Variants in IQCF2 observed in about 807,000 individuals in gnomAD.
IQCF2 encodes IQ motif containing F2, also known as IQ domain-containing protein F2.
IQCF2 carries 6 observed loss-of-function variants against 7.0 expected under a neutral mutation model. That is an observed-to-expected ratio of 0.86 (90% CI 0.47 to 1.70). The LOEUF is 1.70. Ranked by LOEUF, IQCF2 falls within the 40% of genes most tolerant of loss-of-function variation. The pLI, the probability that IQCF2 is intolerant of heterozygous loss-of-function variation, is 0.01. For missense variants in IQCF2, 174 were observed against 204.6 expected, an observed-to-expected ratio of 0.85 and a Z score of 0.91; for synonymous variants, 67 against 74.0, an observed-to-expected ratio of 0.91 and a Z score of 0.48.
rs1395348923 is a variant in IQCF2 at position 51,863,288 on chromosome 3, G to A, written c.413G>A (p.Cys138Tyr). 1 of 1,614,164 alleles carries A rather than the reference G, an allele frequency of 6.2e-7. No homozygotes were observed. The highest frequency in any genetic ancestry group is 1.1e-5 in the South Asian group (1 of 91,086). Residue 138 changes from cysteine (C) to tyrosine (Y), a missense_variant, in exon 3 of 3, where the codon TGC (cysteine) becomes TAC (tyrosine). Physicochemically the swap from Cys to Tyr is radical, Grantham distance 194. Transcript: ENST00000333127. ...IIQGHWQCHN[C>Y]QTCALLQGHC... Reference sequence around the variant, plus strand: ...CAGGGCCACTGGCAATGCCACAACTGCCAGACCTGCGCTCTCCTCCAGGGC... The same window carrying A: ...CAGGGCCACTGGCAATGCCACAACTACCAGACCTGCGCTCTCCTCCAGGGC...
rs770261976 is a variant in IQCF2, at chr3:51,863,102, G to A, written c.227G>A (p.Trp76Ter). The stretch of plus-strand genomic sequence containing the variant: ...CTCAGGGCCTGGATAATTCAGTGCT[G>A]GTGGCGGATGACGCTGTCGAGGGTG... ...AALRAWIIQC[W>*]WRMTLSRVLE... The change falls in exon 3 of 3, where the codon TGG becomes TAG. Residue 76 changes from tryptophan (W) to a stop codon, truncating the protein, a stop_gained. Coordinates refer to ENST00000333127, the MANE Select transcript of IQCF2 (RefSeq NM_203424.2). LOFTEE classifies it low-confidence loss of function (END_TRUNC). 6.2e-6 allele frequency: 10 copies of A among 1,614,266 alleles called. No homozygotes were observed. Among genetic ancestry groups the A allele is most frequent in the Middle Eastern group, 1.6e-4 (1 of 6,062 alleles).
intron 2 of IQCF2, among the ~76,000 whole-genome samples, chr3:51,862,166 G>A (rs180813086): frequency 2.6e-5 from 4 of 152,204 alleles, no homozygotes; most frequent in East Asian, 3.9e-4. Flanking sequence ...TTGGGAGGCC[G>A]AGACAGGCAG....
Position 51,863,131 on chromosome 3 carries a change from G to A in IQCF2, c.256G>A (p.Glu86Lys). 1 of 1,614,240 alleles carries A rather than the reference G, an allele frequency of 6.2e-7. No homozygotes were observed. The highest frequency in any genetic ancestry group is 8.5e-7 in the Non-Finnish European group (1 of 1,180,050). ...WWRMTLSRVL[E>K]KKRQAALIAY... ...GCGGATGACGCTGTCGAGGGTGCTG[G>A]AGAAGAAACGGCAGGCAGCTCTGAT... is the stretch of plus-strand genomic sequence containing the variant. The change falls in exon 3 of 3, where the codon GAG becomes AAG. Residue 86 changes from glutamate to lysine, a missense_variant. Physicochemically the swap from Glu to Lys is moderately conservative, Grantham distance 56. Coordinates refer to ENST00000333127, the MANE Select transcript of IQCF2 (RefSeq NM_203424.2).
Position 51,861,957 on chromosome 3 carries a change from A to G in IQCF2, c.111+7A>G. 1 of 1,597,390 alleles carries G rather than the reference A, an allele frequency of 6.3e-7. No homozygotes were observed. Among genetic ancestry groups the G allele is most frequent in the South Asian group, 1.1e-5 (1 of 90,686 alleles). On this transcript the variant is annotated splice_region_variant and intron_variant, in intron 2 of 2. Transcript: ENST00000333127. ...GAAACAGCAGAAAATCAAGGTGAGA[A>G]GAATTCCATGTACTTAAGAGAAATC...
chr3:51,862,498 C>T (rs913981570), intron 2 of IQCF2, among the ~76,000 whole-genome samples: 2 of 150,808 alleles, frequency 1.3e-5, no homozygotes, highest in Non-Finnish European at 2.9e-5. Flanking sequence ...GTAGACTGTT[C>T]AAAATATGGA....
At position 51,863,140 on chromosome 3, in the gene IQCF2, C is replaced by T. The variant is rs766364999; in HGVS notation, c.265C>T (p.Arg89Trp). Residue 89 changes from arginine (R) to tryptophan (W), a missense_variant, in exon 3 of 3, where the codon CGG becomes TGG. Coordinates refer to ENST00000333127, the MANE Select transcript of IQCF2 (RefSeq NM_203424.2). ...GCTGTCGAGGGTGCTGGAGAAGAAACGGCAGGCAGCTCTGATCGCCTACGC... is the reference window on the plus strand; with the variant it reads ...GCTGTCGAGGGTGCTGGAGAAGAAATGGCAGGCAGCTCTGATCGCCTACGC... The part of the protein sequence containing the change: ...MTLSRVLEKK[R>W]QAALIAYATR... 6 of 1,614,090 alleles carry T rather than the reference C, an allele frequency of 3.7e-6. No individual in the cohort carries two copies. The highest frequency in any genetic ancestry group is 3.3e-5 in the Admixed American group (2 of 60,008).
At chr3:51,862,303 C>A (rs748876978) in intron 2 of IQCF2, among the ~76,000 whole-genome samples, 1 of 148,550 alleles carries the variant, frequency 6.7e-6, no homozygotes, top group African/African-American at 2.5e-5. Flanking sequence ...ACTCAGGAGG[C>A]TGAGGCAGGA....
At chr3:51,862,249 A>C (rs1419364501) in intron 2 of IQCF2, among the ~76,000 whole-genome samples, 1 of 151,954 alleles carries the variant, frequency 6.6e-6, no homozygotes, top group African/African-American at 2.4e-5. Context: ...AATACAAAAA[A>C]TTAGCCGGGT....
chr3:51,863,089 A>G lies in IQCF2; in HGVS notation c.214A>G (p.Ile72Val). ...GCTGCATGCAGCCCTCAGGGCCTGGATAATTCAGTGCTGGTGGCGGATGAC... is the reference window on the plus strand; with the variant it reads ...GCTGCATGCAGCCCTCAGGGCCTGGGTAATTCAGTGCTGGTGGCGGATGAC... ...TLLHAALRAW[I>V]IQCWWRMTLS... is the part of the protein sequence containing the mutation. Residue 72 changes from isoleucine (I) to valine (V), a missense_variant, in exon 3 of 3, where the codon ATA becomes GTA. Physicochemically the swap from Ile to Val is conservative, Grantham distance 29. Coordinates refer to ENST00000333127, the MANE Select transcript of IQCF2 (RefSeq NM_203424.2). The G allele has an allele frequency of 3.7e-6, 6 of 1,614,276 alleles. No individual in the cohort carries two copies. Among genetic ancestry groups the G allele is most frequent in the Non-Finnish European group, 5.1e-6 (6 of 1,180,046 alleles).
At chr3:51,862,957 T>G in intron 2 of IQCF2, 30 bp from the exon 3 acceptor site, 1 of 1,567,252 alleles carries the variant, frequency 6.4e-7, no homozygotes, top group East Asian at 2.3e-5. Context: ...GCAGGAAGTT[T>G]TCTGACTGAT....
intron 2 of IQCF2, among the ~76,000 whole-genome samples, chr3:51,862,723 G>T (rs1221302883): frequency 6.6e-6 from 1 of 152,174 alleles, no homozygotes; most frequent in Non-Finnish European, 1.5e-5. Flanking sequence ...CACCCTTCTA[G>T]TTACTAATGG....
chr3:51,862,122 G>A (rs992369952), intron 2 of IQCF2, among the ~76,000 whole-genome samples, 172 bp downstream of exon 2: 4 of 152,042 alleles, frequency 2.6e-5, no homozygotes. Context: ...GGGCCTGACT[G>A]AGATATTGAG....
At chr3:51,861,809 G>A (rs1698639821) in intron 1 of IQCF2, 49 bp from the exon 2 acceptor site, 1 of 1,571,772 alleles carries the variant, frequency 6.4e-7, no homozygotes, top group African/African-American at 1.4e-5. Flanking sequence ...GCCATAGAGA[G>A]AAACAGTCTT....
rs1698659820 is a variant in IQCF2, at chr3:51,863,305, C to T, written c.430C>T (p.Leu144Phe). The T allele has an allele frequency of 6.2e-7, 1 of 1,614,188 alleles. No individual in the cohort carries two copies. The highest frequency in any genetic ancestry group is 1.1e-5 in the South Asian group (1 of 91,086). ...QCHNCQTCAL[L>F]QGHCVVTATH... is the part of the protein sequence containing the mutation. ...CCACAACTGCCAGACCTGCGCTCTC[C>T]TCCAGGGCCACTGTGTGGTCACAGC... Residue 144 changes from leucine (L) to phenylalanine (F), a missense_variant, in exon 3 of 3, where the codon CTC becomes TTC. Transcript: ENST00000333127.
At position 51,861,921 on chromosome 3, in the gene IQCF2, T is replaced by C. The variant is rs558654556; in HGVS notation, c.82T>C (p.Leu28=). The change falls in exon 2 of 3, where the codon TTG becomes CTG. Residue 28 remains leucine, a synonymous_variant. Transcript: ENST00000333127. ...DVEESIEWKT[L]QKKKQQKIKE... is the part of the protein sequence containing the mutation. ...TGAAGAAAGCATTGAATGGAAGACA[T>C]TGCAGAAGAAGAAACAGCAGAAAAT... 3.7e-6 allele frequency: 6 copies of C among 1,613,748 alleles called. No homozygotes were observed. Among genetic ancestry groups the C allele is most frequent in the South Asian group, 3.3e-5 (3 of 91,054 alleles).
At chr3:51,862,871 C>A in intron 2 of IQCF2, 116 bp from the exon 3 acceptor site, 1 of 1,298,978 alleles carries the variant, frequency 7.7e-7, no homozygotes, top group Non-Finnish European at 1.1e-6. Flanking sequence ...CTGCTAACTT[C>A]CCTGAATTCT....
At chr3:51,862,808 C>A (rs191296467) in intron 2 of IQCF2, among the ~76,000 whole-genome samples, 179 bp from the exon 3 acceptor site, 1 of 152,186 alleles carries the variant, frequency 6.6e-6, no homozygotes, top group African/African-American at 2.4e-5. Context: ...AGTGATGTGC[C>A]CACAGTGGCA....
At chr3:51,862,216 G>A (rs143395667) in intron 2 of IQCF2, among the ~76,000 whole-genome samples, 26 of 152,034 alleles carry the variant, frequency 1.7e-4, no homozygotes, top group African/African-American at 5.1e-4. Flanking sequence ...TGGCTAACAC[G>A]GTGAAACCCC....
At chr3:51,862,745 A>C (rs1272382782) in intron 2 of IQCF2, among the ~76,000 whole-genome samples, 1 of 152,184 alleles carries the variant, frequency 6.6e-6, no homozygotes, top group Non-Finnish European at 1.5e-5. Flanking sequence ...TTTTCCCTTG[A>C]TCCATGCACT....
Sources: gnomAD v4.1 joint callset for allele counts (sites outside exome capture counted in the v4.1 genomes callset) on GRCh38, gnomAD v4.1.1 for gene constraint, MANE v1.5 for transcripts, NCBI Gene and HGNC (gene_info 2026-07-23, HGNC 2026-07-21) for gene names.